KCND2: variants seen among roughly 807,000 people sequenced by gnomAD.
KCND2 encodes the protein potassium voltage-gated channel subfamily D member 2.
KCND2 carries 16 observed loss-of-function variants against 54.4 expected under a neutral mutation model. That is an observed-to-expected ratio of 0.29 (90% CI 0.20 to 0.45). The LOEUF is 0.45. Among genes scored for constraint, KCND2 ranks in the 20% least tolerant of loss-of-function variants. The pLI, the probability that KCND2 is intolerant of heterozygous loss-of-function variation, is 1.00. For missense variants in KCND2, 486 were observed against 824.2 expected, an observed-to-expected ratio of 0.59 and a Z score of 5.02; for synonymous variants, 317 against 310.7, an observed-to-expected ratio of 1.02 and a Z score of -0.21.
intron 1 of KCND2, among the ~76,000 whole-genome samples, chr7:120,490,535 A>AT (rs1461576299): frequency 6.6e-6 from 1 of 152,156 alleles, no homozygotes; most frequent in Non-Finnish European, 1.5e-5. Flanking sequence ...TTAGAACCCT[A>AT]TTAAGAGAAG....
rs1562926916 is a variant in KCND2 at position 120,747,766 on chromosome 7, C to CCAA, written c.1804_1806dup (p.Thr602dup). ...TGTGACTACAGCAATAATAAGCATC[C>CCAA]CAACACCTCCAGTAACCACACCAGA... On this transcript the variant is annotated inframe_insertion, in exon 6 of 6. Transcript: ENST00000331113. 1 of 1,611,880 alleles carries CCAA rather than the reference C, an allele frequency of 6.2e-7. No homozygotes were observed. Among genetic ancestry groups the CCAA allele is most frequent in the Admixed American group, 1.7e-5 (1 of 59,872 alleles).
intron 1 of KCND2, among the ~76,000 whole-genome samples, chr7:120,701,232 T>G (rs1792396720): frequency 9.8e-6 from 1 of 102,456 alleles, no homozygotes; most frequent in Admixed American, 1.5e-4. Flanking sequence ...ATGGCTGTAA[T>G]GCCTAGCTAA....
intron 1 of KCND2, among the ~76,000 whole-genome samples, chr7:120,515,791 G>C (rs896522929): frequency 5.3e-5 from 8 of 152,216 alleles, no homozygotes; most frequent in Non-Finnish European, 7.4e-5. Context: ...GATAGGAGCA[G>C]GAAGCCAAAC....
At chr7:120,746,144 G>T in intron 5 of KCND2, 117 bp downstream of exon 5, 1 of 1,221,828 alleles carries the variant, frequency 8.2e-7, no homozygotes, top group Non-Finnish European at 1.2e-6. Context: ...GGTTCAGGAA[G>T]AGACAAAAAT....
At chr7:120,389,823 G>A (rs1801046130) in intron 1 of KCND2, among the ~76,000 whole-genome samples, 1 of 151,774 alleles carries the variant, frequency 6.6e-6, no homozygotes, top group South Asian at 2.1e-4. Context: ...GTGTATCCTG[G>A]GTTGTTGAAT....
At chr7:120,720,745 T>C (rs1351071244) in intron 1 of KCND2, among the ~76,000 whole-genome samples, 1 of 152,210 alleles carries the variant, frequency 6.6e-6, no homozygotes, top group Non-Finnish European at 1.5e-5. Flanking sequence ...TGCAGCCTCG[T>C]GCTGGTGGCA....
At chr7:120,554,469 C>T (rs965957795) in intron 1 of KCND2, among the ~76,000 whole-genome samples, 3 of 151,482 alleles carry the variant, frequency 2.0e-5, no homozygotes, top group African/African-American at 4.9e-5. Context: ...AGTACAGTGG[C>T]GCGATCTCAG....
chr7:120,555,418 A>G (rs183760751), intron 1 of KCND2, among the ~76,000 whole-genome samples: 1 of 152,314 alleles, frequency 6.6e-6, no homozygotes, highest in Non-Finnish European at 1.5e-5. Context: ...CCTCCAGAGT[A>G]GCTGGGATTA....
chr7:120,290,968 T>C (rs1799427643), intron 1 of KCND2, among the ~76,000 whole-genome samples: 1 of 152,016 alleles, frequency 6.6e-6, no homozygotes, highest in Non-Finnish European at 1.5e-5. Flanking sequence ...TAAGTAGATT[T>C]ATTTGGCACT....
intron 1 of KCND2, among the ~76,000 whole-genome samples, chr7:120,399,389 G>GA (rs529284117): frequency 9.3e-4 from 140 of 151,318 alleles, no homozygotes; most frequent in Non-Finnish European, 1.7e-3. Flanking sequence ...AACATTAGAG[G>GA]AAAAAAACAA....
intron 1 of KCND2, among the ~76,000 whole-genome samples, chr7:120,520,413 A>G (rs879354355): frequency 6.6e-6 from 1 of 152,188 alleles, no homozygotes; most frequent in African/African-American, 2.4e-5. Flanking sequence ...CACTGTATCT[A>G]TATGTATGAG....
At chr7:120,353,510 T>C (rs1800447074) in intron 1 of KCND2, among the ~76,000 whole-genome samples, 1 of 152,106 alleles carries the variant, frequency 6.6e-6, no homozygotes, top group African/African-American at 2.4e-5. Context: ...TCCTAGGTTC[T>C]TTACTTAAAT....
chr7:120,593,103 T>A (rs1308221678), intron 1 of KCND2, among the ~76,000 whole-genome samples: 1 of 152,086 alleles, frequency 6.6e-6, no homozygotes, highest in Non-Finnish European at 1.5e-5. Context: ...AGAACAAATA[T>A]CAAATAGGTT....
chr7:120,717,146 C>T (rs1792613066), intron 1 of KCND2, among the ~76,000 whole-genome samples: 1 of 152,052 alleles, frequency 6.6e-6, no homozygotes, highest in South Asian at 2.1e-4. Flanking sequence ...AATGAGGTGA[C>T]TAACGTAGGC....
intron 1 of KCND2, among the ~76,000 whole-genome samples, chr7:120,334,961 G>A (rs147396271): frequency 9.9e-5 from 15 of 152,266 alleles, no homozygotes; most frequent in African/African-American, 3.4e-4. Context: ...GACAAGCACC[G>A]GATGTGGAGA....
Position 120,526,793 on chromosome 7 carries a change from A to G in KCND2, c.1116-206110A>G, listed in dbSNP as rs114495324. Reference sequence around the variant, plus strand: ...TGATACTCACACTGGACACAGTTCTATTTTTCAATATAGAGAACTCTGATT... The same window carrying G: ...TGATACTCACACTGGACACAGTTCTGTTTTTCAATATAGAGAACTCTGATT... On this transcript the variant is annotated intron_variant, in intron 1 of 5. Coordinates refer to ENST00000331113, the MANE Select transcript of KCND2 (RefSeq NM_012281.3). 4.5e-3 allele frequency among the ~76,000 whole-genome samples: 688 copies of G among 152,186 alleles called. 5 individuals carry two copies. Among genetic ancestry groups the G allele is most frequent in the African/African-American group, 0.016 (658 of 41,524 alleles).
chr7:120,459,683 C>T (rs1293391398), intron 1 of KCND2, among the ~76,000 whole-genome samples: 4 of 152,140 alleles, frequency 2.6e-5, no homozygotes, highest in Non-Finnish European at 5.9e-5. Context: ...GAATAATAAG[C>T]GTCTACCAGT....
intron 1 of KCND2, among the ~76,000 whole-genome samples, chr7:120,699,429 C>T (rs1792373480): frequency 6.6e-6 from 1 of 152,052 alleles, no homozygotes; most frequent in Non-Finnish European, 1.5e-5. Flanking sequence ...CCCAAATATA[C>T]AGAGACAAAC....
intron 1 of KCND2, among the ~76,000 whole-genome samples, chr7:120,307,139 T>G (rs1342173402): frequency 6.6e-6 from 1 of 152,044 alleles, no homozygotes; most frequent in Non-Finnish European, 1.5e-5. Context: ...AATCTACAAT[T>G]TTTTTCCAAA....
Sources: gnomAD v4.1 joint callset for allele counts (sites outside exome capture counted in the v4.1 genomes callset) on GRCh38, gnomAD v4.1.1 for gene constraint, MANE v1.5 for transcripts, NCBI Gene and HGNC (gene_info 2026-07-23, HGNC 2026-07-21) for gene names.